The following HLA-DQB2 variants were observed in gnomAD, a reference collection of about 807,000 sequenced individuals.
HLA-DQB2 encodes HLA class II histocompatibility antigen, DQ beta 2 chain.
HLA-DQB2 carries 24 observed loss-of-function variants against 29.2 expected under a neutral mutation model. That is an observed-to-expected ratio of 0.82 (90% confidence interval 0.60 to 1.16). HLA-DQB2 has a LOEUF of 1.16. Among genes scored for constraint, HLA-DQB2 ranks in the 50% most tolerant of loss-of-function variants. HLA-DQB2 has a pLI of 0.00. For synonymous variants in HLA-DQB2, 104 were observed against 133.1 expected (o/e 0.78, Z 1.51); for missense variants, 273 against 343.6 (o/e 0.79, Z 1.62).
In HLA-DQB2 at chr6:32,756,151, T is replaced by G; in HGVS notation, c.*302A>C. On this transcript the variant is annotated 3_prime_UTR_variant, in exon 6 of 6. Transcript: ENST00000437316. ...AAAAGCACTAAAGTCAGGTAAATGA[T>G]TTTGTTTGTCATGCTTCTCTTGACA... is the stretch of plus-strand genomic sequence containing the variant. 1 of 442,618 alleles carries G rather than the reference T, an allele frequency of 2.3e-6. No individual in the cohort carries two copies. Among genetic ancestry groups the G allele is most frequent in the Non-Finnish European group, 4.0e-6 (1 of 250,512 alleles). The allele number at this position is 442,618 out of a possible 1,614,324, so 27.4% of individuals were successfully genotyped here.
chr6:32,758,782 A>C, intron 3 of HLA-DQB2, 68 bp downstream of exon 3: 1 of 1,409,134 alleles, frequency 7.1e-7, no homozygotes, highest in Non-Finnish European at 9.8e-7. Flanking sequence ...TGGGATGGGA[A>C]GGATCAGCGG....
In HLA-DQB2 at chr6:32,756,895, T is replaced by G. The variant is rs180676524; in HGVS notation, c.781+386A>C. 375 of 1,188,162 alleles carry G rather than the reference T, an allele frequency of 3.2e-4. No homozygotes were observed. In the African/African-American group the frequency reaches 5.6e-3, roughly 18 times the overall value. The allele number at this position is 1,188,162 out of a possible 1,614,324, so 73.6% of individuals were successfully genotyped here. A position where few individuals can be genotyped will look rare whatever the true frequency, so the allele number is the denominator to read the frequency against. On this transcript the variant is annotated intron_variant, in intron 5 of 5. Transcript: ENST00000437316. ...AAAAGATGCCACCAAAGTTAAGGCC[T>G]GGTTCTAGGAAACAATCTCTGGAGA...
chr6:32,761,442 C>G, intron 2 of HLA-DQB2, among the ~76,000 whole-genome samples: 1 of 151,248 alleles, frequency 6.6e-6, no homozygotes, highest in African/African-American at 2.4e-5. Context: ...CTAACCCAAC[C>G]CTGCAGGGAA....
At position 32,757,795 on chromosome 6, in the gene HLA-DQB2, G is replaced by T; in HGVS notation, c.735C>A (p.Ile245=). ...LGLIFLGLGL[I]IRHRGQKGPR... is the part of the protein sequence containing the mutation. ...CACCTTTCTGACCCCTGTGACGGAT[G>T]ATAAGGCCCAGCCCGAGGAAGATCA... The change falls in exon 4 of 6, where the codon ATC becomes ATA. Residue 245 remains isoleucine (I), a synonymous_variant. Coordinates refer to ENST00000437316, the MANE Select transcript of HLA-DQB2 (RefSeq NM_001300790.2). The T allele has an allele frequency of 6.8e-7, 1 of 1,477,798 alleles. No individual in the cohort carries two copies. Among genetic ancestry groups the T allele is most frequent in the Non-Finnish European group, 9.2e-7 (1 of 1,086,816 alleles). 91.5% of individuals were successfully genotyped at this position (1,477,798 alleles called of 1,614,324 possible). A position where few individuals can be genotyped will look rare whatever the true frequency, so the allele number is the denominator to read the frequency against.
intron 2 of HLA-DQB2, among the ~76,000 whole-genome samples, chr6:32,760,188 T>C (rs1163191500): frequency 6.6e-6 from 1 of 152,180 alleles, no homozygotes; most frequent in Non-Finnish European, 1.5e-5. Context: ...CCTGCATAGA[T>C]AACACTGGGG....
At chr6:32,763,115 G>A (rs1764995157) in intron 1 of HLA-DQB2, among the ~76,000 whole-genome samples, 1 of 152,200 alleles carries the variant, frequency 6.6e-6, no homozygotes, top group Non-Finnish European at 1.5e-5. Context: ...TCCTGTCACA[G>A]GTAGTGAATG....
intron 1 of HLA-DQB2, 74 bp downstream of exon 1, chr6:32,763,300 A>T (rs550089196): frequency 2.6e-6 from 2 of 778,780 alleles, no homozygotes; most frequent in African/African-American, 3.5e-5. Context: ...GGAGATCACC[A>T]TCCCCCATAC....
In HLA-DQB2 at chr6:32,758,824, GT is replaced by G. The variant is rs764044138; in HGVS notation, c.646+25del. The G allele has an allele frequency of 1.2e-5, 20 of 1,602,332 alleles. No individual in the cohort carries two copies. The East Asian group carries it at 1.8e-4, about 14-fold the overall frequency. ...TGCCCTTTGTCTTGTGGGGCCCACA[GT>G]AAAAGGAAACCAGTTTCCCCTTACG... On this transcript the variant is annotated intron_variant, in intron 3 of 5. Coordinates refer to ENST00000437316, the MANE Select transcript of HLA-DQB2 (RefSeq NM_001300790.2).
chr6:32,756,392 G>T lies in HLA-DQB2; in HGVS notation c.*61C>A. 9.8e-7 allele frequency: 1 copy of T among 1,024,628 alleles called. No individual in the cohort carries two copies. Among genetic ancestry groups the T allele is most frequent in the Non-Finnish European group, 1.5e-6 (1 of 657,488 alleles). 63.5% of individuals were successfully genotyped at this position (1,024,628 alleles called of 1,614,324 possible). The stretch of plus-strand genomic sequence containing the variant: ...TGACACAGGCAGCTAGGAATTCTGG[G>T]CAGGGGCAGGTGGGCATTACAGAAG... On this transcript the variant is annotated 3_prime_UTR_variant, in exon 6 of 6. Coordinates refer to ENST00000437316, the MANE Select transcript of HLA-DQB2 (RefSeq NM_001300790.2).
chr6:32,760,908 G>A (rs1764726729), intron 2 of HLA-DQB2, among the ~76,000 whole-genome samples: 1 of 151,900 alleles, frequency 6.6e-6, no homozygotes, highest in Non-Finnish European at 1.5e-5. Context: ...CATCTTTAAG[G>A]CTCTATTTAT....
intron 2 of HLA-DQB2, 29 bp downstream of exon 2, chr6:32,761,631 G>T: frequency 6.5e-7 from 1 of 1,530,458 alleles, no homozygotes; most frequent in Non-Finnish European, 8.8e-7. Context: ...GGCCAAGGGT[G>T]AGCCCCGCGG....
chr6:32,761,941 G>T lies in HLA-DQB2; in HGVS notation c.98-15C>A. The T allele has an allele frequency of 6.3e-7, 1 of 1,587,644 alleles. No homozygotes were observed. The highest frequency in any genetic ancestry group is 1.4e-5 in the African/African-American group (1 of 73,072). On this transcript the variant is annotated splice_polypyrimidine_tract_variant and intron_variant, in intron 1 of 5. Transcript: ENST00000437316. ...CAAGAAATCCTCTGCGGAGAATCAC[G>T]GCGGGTCAGTCAGGCCCCAGCACGG...
chr6:32,759,957 TA>T (rs746241416), intron 2 of HLA-DQB2, among the ~76,000 whole-genome samples: 3,627 of 116,272 alleles, frequency 0.031, no homozygotes, highest in Middle Eastern at 0.08. Context: ...AACTTTTCTT[TA>T]GGCCCTCCTT....
intron 1 of HLA-DQB2, among the ~76,000 whole-genome samples, chr6:32,762,341 T>C (rs1764926410): frequency 6.6e-6 from 1 of 152,184 alleles, no homozygotes; most frequent in African/African-American, 2.4e-5. Context: ...ATTTGAGAGT[T>C]CAAGGGAATA....
chr6:32,756,969 G>C, intron 5 of HLA-DQB2: 1 of 1,243,456 alleles, frequency 8.0e-7, no homozygotes, highest in Admixed American at 3.7e-5. Context: ...CCTCATAGCA[G>C]CAAACAGGCC....
rs79638337 is a variant in HLA-DQB2, at chr6:32,763,475, C to T, written c.-5G>A. On this transcript the variant is annotated 5_prime_UTR_variant, in exon 1 of 6. Transcript: ENST00000437316. Reference sequence around the variant, plus strand: ...TCCAGGGATCTGCAGAGCCATCTTCCAAGACGTAAGTGAGACCAAGGAAAA... The same window carrying T: ...TCCAGGGATCTGCAGAGCCATCTTCTAAGACGTAAGTGAGACCAAGGAAAA... 9.4e-3 allele frequency: 14,593 copies of T among 1,550,158 alleles called. 842 individuals carry two copies. In the South Asian group the frequency reaches 0.11, roughly 12 times the overall value.
At chr6:32,758,014 G>T in intron 3 of HLA-DQB2, 131 bp from the exon 4 acceptor site, 1 of 758,332 alleles carries the variant, frequency 1.3e-6, no homozygotes, top group South Asian at 1.9e-5. Context: ...CCAGCCAGTA[G>T]GTCTTTGGAC....
chr6:32,762,718 A>C (rs1764959485), intron 1 of HLA-DQB2, among the ~76,000 whole-genome samples: 1 of 152,244 alleles, frequency 6.6e-6, no homozygotes, highest in Admixed American at 6.5e-5. Flanking sequence ...GGATTTATAG[A>C]AAGTACTGTC....
rs554486982 is a variant in HLA-DQB2 at position 32,756,893 on chromosome 6, C to T, written c.781+388G>A. 3.0e-5 allele frequency: 36 copies of T among 1,187,186 alleles called. 2 individuals are homozygous for T. In the South Asian group the frequency reaches 1.0e-3, roughly 33 times the overall value. 73.5% of individuals were successfully genotyped at this position (1,187,186 alleles called of 1,614,324 possible). A position where few individuals can be genotyped will look rare whatever the true frequency, so the allele number is the denominator to read the frequency against. On this transcript the variant is annotated intron_variant, in intron 5 of 5. Transcript: ENST00000437316. The stretch of plus-strand genomic sequence containing the variant: ...CAAAAAGATGCCACCAAAGTTAAGG[C>T]CTGGTTCTAGGAAACAATCTCTGGA...
Sources: gnomAD v4.1 joint callset for allele counts (sites outside exome capture counted in the v4.1 genomes callset) on GRCh38, gnomAD v4.1.1 for gene constraint, MANE v1.5 for transcripts, NCBI Gene and HGNC (gene_info 2026-07-23, HGNC 2026-07-21) for gene names.